MYO6: variants seen among roughly 807,000 people sequenced by gnomAD.
The protein encoded by MYO6 is myosin VI.
A neutral mutation model predicts 178.7 loss-of-function variants in MYO6; 74 were observed. The observed-to-expected ratio is 0.41, with a 90% CI of 0.34 to 0.50. The LOEUF is 0.50. Ranked by LOEUF, MYO6 falls within the 20% of genes least tolerant of loss-of-function variation. MYO6 has a pLI of 0.09. For missense variants in MYO6, 1,330 were observed against 1,547.4 expected (o/e 0.86, Z 2.36); for synonymous variants, 477 against 504.6 (o/e 0.95, Z 0.73).
chr6:75,887,065 T>A, intron 25 of MYO6, 71 bp downstream of exon 25: 1 of 1,466,416 alleles, frequency 6.8e-7, no homozygotes, highest in South Asian at 1.2e-5. Flanking sequence ...GGTATTGAAA[T>A]TGTATAGAAA....
intron 20 of MYO6, among the ~76,000 whole-genome samples, chr6:75,877,764 A>G (rs1305389364): frequency 6.6e-6 from 1 of 151,942 alleles, no homozygotes; most frequent in Non-Finnish European, 1.5e-5. Flanking sequence ...AAGGCAGAGT[A>G]TTTGCCTTAG....
At chr6:75,876,395 A>G (rs1777570991) in intron 20 of MYO6, among the ~76,000 whole-genome samples, 1 of 152,212 alleles carries the variant, frequency 6.6e-6, no homozygotes, top group Admixed American at 6.5e-5. Flanking sequence ...GTTGAATGGA[A>G]TGAACAGTGT....
intron 27 of MYO6, 29 bp downstream of exon 27, chr6:75,891,335 TA>T (rs1224669093): frequency 1.9e-6 from 3 of 1,539,592 alleles, no homozygotes; most frequent in Non-Finnish European, 2.7e-6. Flanking sequence ...GAATTTCTAT[TA>T]AAATGGAACC....
At chr6:75,770,053 G>T (rs1315210592) in intron 1 of MYO6, among the ~76,000 whole-genome samples, 1 of 152,168 alleles carries the variant, frequency 6.6e-6, no homozygotes, top group Non-Finnish European at 1.5e-5. Context: ...CTCTGTGGGG[G>T]CTCAGACCCC....
chr6:75,812,099 A>G (rs187178244), intron 1 of MYO6, among the ~76,000 whole-genome samples: 76 of 152,212 alleles, frequency 5.0e-4, no homozygotes, highest in African/African-American at 1.7e-3. Flanking sequence ...GCTTACTGCA[A>G]CTTTGAACTC....
intron 8 of MYO6, 123 bp from the exon 9 acceptor site, chr6:75,841,091 G>T (rs147722766): frequency 1.1e-6 from 1 of 950,658 alleles, no homozygotes; most frequent in South Asian, 1.5e-5. Context: ...CCTTTATTTG[G>T]TGAATATTAT....
chr6:75,903,636 G>T (rs1177643770), intron 30 of MYO6, among the ~76,000 whole-genome samples: 1 of 151,784 alleles, frequency 6.6e-6, no homozygotes, highest in Non-Finnish European at 1.5e-5. Context: ...CACGTGAGAT[G>T]GGTTTCCTGA....
chr6:75,912,768 T>C (rs1780857361), intron 33 of MYO6, among the ~76,000 whole-genome samples: 2 of 152,068 alleles, frequency 1.3e-5, no homozygotes, highest in Admixed American at 1.3e-4. Flanking sequence ...AACACTGAAC[T>C]GTAAGTAGCT....
Position 75,841,243 on chromosome 6 carries a change from T to G in MYO6, c.681T>G (p.His227Gln). The change falls in exon 9 of 35, where the codon CAT becomes CAG. Residue 227 changes from histidine (H) to glutamine (Q), a missense_variant. By Grantham distance (24) the His-to-Gln change is conservative. Transcript: ENST00000369977. ...CAGTTGTTGGAGGATTTGTTTCACA[T>G]TATCTCCTAGAGAAATCTAGGATCT... ...KSSVVGGFVSHYLLEKSRICV... is the reference protein window; with the variant it reads ...KSSVVGGFVSQYLLEKSRICV... The G allele has an allele frequency of 6.2e-7, 1 of 1,614,010 alleles. No homozygotes were observed. The highest frequency in any genetic ancestry group is 8.5e-7 in the Non-Finnish European group (1 of 1,179,960).
chr6:75,872,511 C>T (rs950353346), intron 19 of MYO6, among the ~76,000 whole-genome samples: 2 of 152,172 alleles, frequency 1.3e-5, no homozygotes, highest in South Asian at 2.1e-4. Context: ...TTTATTTACT[C>T]CTTTTGTCAT....
chr6:75,858,292 T>C (rs891601561), intron 13 of MYO6, among the ~76,000 whole-genome samples: 2 of 152,164 alleles, frequency 1.3e-5, no homozygotes, highest in Admixed American at 1.3e-4. Flanking sequence ...TTAATTTAGA[T>C]TGCTTTAATA....
chr6:75,859,465 A>C (rs1407328432), intron 14 of MYO6, among the ~76,000 whole-genome samples: 2 of 150,922 alleles, frequency 1.3e-5, no homozygotes, highest in African/African-American at 4.9e-5. Flanking sequence ...ATGCCCAACA[A>C]ATTTTTGTAT....
chr6:75,907,112 T>A (rs376937905), intron 30 of MYO6, among the ~76,000 whole-genome samples: 11 of 152,328 alleles, frequency 7.2e-5, no homozygotes, highest in African/African-American at 2.6e-4. Context: ...AGGGATATTC[T>A]GAGCCACTGT....
In MYO6 at chr6:75,821,229, T is replaced by C. The variant is rs575616052; in HGVS notation, c.118-1553T>C. Among the ~76,000 whole-genome samples, 689 of 152,262 alleles carry C rather than the reference T, an allele frequency of 4.5e-3. 10 individuals carry two copies. The highest frequency in any genetic ancestry group is 0.016 in the African/African-American group (667 of 41,558). On this transcript the variant is annotated intron_variant, in intron 2 of 34. Transcript: ENST00000369977. Reference sequence around the variant, plus strand: ...CCACTCCCCTCATCATCTAACTTCTTGGAACCTTTTTAATTTGACATGGCT... The same window carrying C: ...CCACTCCCCTCATCATCTAACTTCTCGGAACCTTTTTAATTTGACATGGCT...
chr6:75,825,315 G>A (rs1053204913), intron 3 of MYO6, among the ~76,000 whole-genome samples: 1 of 152,086 alleles, frequency 6.6e-6, no homozygotes, highest in Non-Finnish European at 1.5e-5. Context: ...GAAAGAAACC[G>A]GGCGCAGTGG....
chr6:75,895,811 C>T (rs62414804), intron 29 of MYO6, among the ~76,000 whole-genome samples: 34,747 of 151,942 alleles, frequency 0.23, 5,175 homozygotes, highest in Middle Eastern at 0.39. Context: ...TCACTGTGCC[C>T]GGCCTGTTTT....
chr6:75,856,273 T>C (rs1775709736), intron 12 of MYO6, among the ~76,000 whole-genome samples: 1 of 152,086 alleles, frequency 6.6e-6, no homozygotes, highest in Non-Finnish European at 1.5e-5. Flanking sequence ...CCAAAGCAGT[T>C]TTTTGTTGTT....
In MYO6 at chr6:75,841,275, A is replaced by G; in HGVS notation, c.713A>G (p.Gln238Arg). The G allele has an allele frequency of 6.2e-7, 1 of 1,614,076 alleles. No individual in the cohort carries two copies. The highest frequency in any genetic ancestry group is 8.5e-7 in the Non-Finnish European group (1 of 1,179,970). The change falls in exon 9 of 35, where the codon CAA (glutamine) becomes CGA (arginine). Residue 238 changes from glutamine (Q) to arginine (R), a missense_variant. Around this residue, in one of 3 missense-constraint regions of MYO6, gnomAD observed 613 missense variants for 816.8 expected, o/e 0.75. Transcript: ENST00000369977. ...CTAGAGAAATCTAGGATCTGTGTTC[A>G]AGGCAAAGAGGAAAGAAATTATCAT... Reference protein sequence around the residue: ...YLLEKSRICVQGKEERNYHIF... With the variant: ...YLLEKSRICVRGKEERNYHIF...
At chr6:75,821,638 C>A (rs1771882241) in intron 2 of MYO6, among the ~76,000 whole-genome samples, 1 of 151,718 alleles carries the variant, frequency 6.6e-6, no homozygotes, top group African/African-American at 2.4e-5. Context: ...CACACACACA[C>A]AAACACACAC....
Sources: gnomAD v4.1 joint callset for allele counts (sites outside exome capture counted in the v4.1 genomes callset) on GRCh38, gnomAD v4.1.1 for gene constraint, gnomAD v4.1.1 regional missense constraint, MANE v1.5 for transcripts, NCBI Gene and HGNC (gene_info 2026-07-23, HGNC 2026-07-21) for gene names.